The following GRIN2B variants were observed in gnomAD, a reference collection of about 807,000 sequenced individuals.
GRIN2B encodes the protein glutamate receptor ionotropic, NMDA 2B.
In GRIN2B, 5 loss-of-function variants were observed where a neutral mutation model predicts 114.5. The observed-to-expected ratio is 0.04, with a 90% CI of 0.02 to 0.09. GRIN2B has a LOEUF of 0.09. Among genes scored for constraint, GRIN2B ranks in the 10% least tolerant of loss-of-function variants. The pLI is 1.00. For synonymous variants in GRIN2B, 787 were observed against 745.1 expected, an observed-to-expected ratio of 1.06 and a Z score of -0.92; for missense variants, 1,108 against 1,943.5, an observed-to-expected ratio of 0.57 and a Z score of 8.08.
intron 2 of GRIN2B, among the ~76,000 whole-genome samples, chr12:13,928,529 A>G (rs1490843560): frequency 6.6e-6 from 1 of 152,232 alleles, no homozygotes; most frequent in Non-Finnish European, 1.5e-5. Flanking sequence ...TGCACTCATA[A>G]TATATAAAAA....
At chr12:13,867,174 C>T (rs1865841365) in intron 2 of GRIN2B, among the ~76,000 whole-genome samples, 1 of 151,396 alleles carries the variant, frequency 6.6e-6, no homozygotes, top group Admixed American at 6.6e-5. Flanking sequence ...AAAAATGTTC[C>T]TTTTTTTTTC....
At chr12:13,871,954 C>G (rs1865916318) in intron 2 of GRIN2B, among the ~76,000 whole-genome samples, 1 of 152,056 alleles carries the variant, frequency 6.6e-6, no homozygotes, top group Non-Finnish European at 1.5e-5. Context: ...AAACTACTCC[C>G]TACCCTAGTC....
intron 3 of GRIN2B, among the ~76,000 whole-genome samples, chr12:13,770,583 A>G (rs1270676003): frequency 3.3e-5 from 5 of 152,288 alleles, no homozygotes; most frequent in South Asian, 2.1e-4. Flanking sequence ...ATAAACATCA[A>G]TTTAGCCCTT....
intron 3 of GRIN2B, among the ~76,000 whole-genome samples, chr12:13,826,066 A>G (rs980994462): frequency 6.7e-6 from 1 of 148,788 alleles, no homozygotes; most frequent in African/African-American, 2.5e-5. Flanking sequence ...CTGTTTTTTT[A>G]GAGTTCTGTA....
intron 10 of GRIN2B, among the ~76,000 whole-genome samples, chr12:13,606,998 A>G (rs938646769): frequency 2.0e-5 from 3 of 149,738 alleles, no homozygotes; most frequent in African/African-American, 7.4e-5. Context: ...AGGGGTAAAC[A>G]CAGTGGAGTA....
At chr12:13,820,793 C>T (rs767492939) in intron 3 of GRIN2B, among the ~76,000 whole-genome samples, 14 of 152,142 alleles carry the variant, frequency 9.2e-5, no homozygotes, top group Non-Finnish European at 1.3e-4. Flanking sequence ...TGAGCCTTTG[C>T]TATCTCTTGG....
intron 3 of GRIN2B, among the ~76,000 whole-genome samples, chr12:13,800,293 C>T (rs1864485489): frequency 6.6e-6 from 1 of 152,162 alleles, no homozygotes; most frequent in Non-Finnish European, 1.5e-5. Flanking sequence ...CTTGCCTTCT[C>T]CTATCAAAGC....
At chr12:13,969,702 ATC>A (rs1172233891) in intron 2 of GRIN2B, among the ~76,000 whole-genome samples, 1 of 152,162 alleles carries the variant, frequency 6.6e-6, no homozygotes, top group East Asian at 1.9e-4. Context: ...CCTTTTCCTA[ATC>A]TCTGTCTCAG....
intron 2 of GRIN2B, among the ~76,000 whole-genome samples, chr12:13,872,339 C>T (rs1436598585): frequency 6.6e-6 from 1 of 151,606 alleles, no homozygotes; most frequent in African/African-American, 2.4e-5. Context: ...GCCTGTAATC[C>T]CAGCTACTCT....
At chr12:13,586,400 C>T (rs530120916) in intron 10 of GRIN2B, among the ~76,000 whole-genome samples, 1 of 152,134 alleles carries the variant, frequency 6.6e-6, no homozygotes, top group African/African-American at 2.4e-5. Context: ...GGGTTGGTTA[C>T]TTTTTGTTAC....
intron 3 of GRIN2B, among the ~76,000 whole-genome samples, chr12:13,845,647 A>T (rs1040383575): frequency 1.3e-5 from 2 of 152,208 alleles, no homozygotes; most frequent in African/African-American, 4.8e-5. Context: ...AAATAAGGGC[A>T]TGAGACTAGT....
At chr12:13,665,903 A>G (rs1345790224) in intron 5 of GRIN2B, among the ~76,000 whole-genome samples, 4 of 152,174 alleles carry the variant, frequency 2.6e-5, no homozygotes, top group African/African-American at 9.7e-5. Context: ...TTAAATATTC[A>G]CTATGAATTT....
At chr12:13,885,403 C>T (rs1442033208) in intron 2 of GRIN2B, among the ~76,000 whole-genome samples, 1 of 152,114 alleles carries the variant, frequency 6.6e-6, no homozygotes, top group African/African-American at 2.4e-5. Context: ...TGCAAGTATA[C>T]ATTCCTAAGA....
rs2284417 is a variant in GRIN2B, at chr12:13,786,370, A to C, written c.412-32455T>G. Among the ~76,000 whole-genome samples, 3 of 152,286 alleles carry C rather than the reference A, an allele frequency of 2.0e-5. No individual in the cohort carries two copies. The East Asian group carries it at 5.8e-4, about 29-fold the overall frequency. ...ATGTCCTATATACCCAATTGTATTCAATTTTGCTGGGACCACCGATGCCTT... is the reference window on the plus strand; with the variant it reads ...ATGTCCTATATACCCAATTGTATTCCATTTTGCTGGGACCACCGATGCCTT... On this transcript the variant is annotated intron_variant, in intron 3 of 13. Coordinates refer to ENST00000609686, the MANE Select transcript of GRIN2B (RefSeq NM_000834.5).
rs570811791 is a variant in GRIN2B at position 13,562,725 on chromosome 12, A to G, written c.*58T>C. 2 of 1,385,208 alleles carry G rather than the reference A, an allele frequency of 1.4e-6. No individual in the cohort carries two copies. Among genetic ancestry groups the G allele is most frequent in the African/African-American group, 2.8e-5 (2 of 70,650 alleles). 85.8% of individuals were successfully genotyped at this position (1,385,208 alleles called of 1,614,324 possible). A position where few individuals can be genotyped will look rare whatever the true frequency, so the allele number is the denominator to read the frequency against. On this transcript the variant is annotated 3_prime_UTR_variant, in exon 14 of 14. Transcript: ENST00000609686. ...CCCCGTCACCCTCCGTGACATGCGC[A>G]TCACGCGACCCACAGCCTTACCCTC...
intron 11 of GRIN2B, among the ~76,000 whole-genome samples, chr12:13,571,516 C>T (rs1948708247): frequency 6.6e-6 from 1 of 152,158 alleles, no homozygotes; most frequent in Non-Finnish European, 1.5e-5. Context: ...TTATCCTTCA[C>T]TCTGCCCTCC....
chr12:13,877,845 T>C (rs1217986547), intron 2 of GRIN2B, among the ~76,000 whole-genome samples: 2 of 151,968 alleles, frequency 1.3e-5, no homozygotes, highest in Non-Finnish European at 2.9e-5. Context: ...GGCGGATCAC[T>C]TGAGGTCAGG....
chr12:13,942,194 C>T (rs1277844251), intron 2 of GRIN2B, among the ~76,000 whole-genome samples: 1 of 152,144 alleles, frequency 6.6e-6, no homozygotes, highest in Non-Finnish European at 1.5e-5. Flanking sequence ...AAGGGATTAG[C>T]ATCATTTGCC....
rs1206644707 is a variant in GRIN2B at position 13,932,017 on chromosome 12, C to CACACTTAGAATAAAATGACTTTCCATT, written c.-19+47884_-19+47910dup. Among the ~76,000 whole-genome samples the CACACTTAGAATAAAATGACTTTCCATT allele has an allele frequency of 4.4e-4, 67 of 152,238 alleles. 1 individual carries two copies. The highest frequency in any genetic ancestry group is 7.9e-4 in the Non-Finnish European group (54 of 68,050). On this transcript the variant is annotated intron_variant, in intron 2 of 13. Transcript: ENST00000609686. ...CATCCTCCAATCATCCTCTTTCCAT[C>CACACTTAGAATAAAATGACTTTCCATT]ACACTTAGAATAAAATGACTTTCCA...
Sources: gnomAD v4.1 joint callset for allele counts (sites outside exome capture counted in the v4.1 genomes callset) on GRCh38, gnomAD v4.1.1 for gene constraint, MANE v1.5 for transcripts, NCBI Gene and HGNC (gene_info 2026-07-23, HGNC 2026-07-21) for gene names.